MCC: variants seen among roughly 807,000 people sequenced by gnomAD.
MCC encodes the protein MCC regulator of Wnt signaling pathway.
A neutral mutation model predicts 116.2 loss-of-function variants in MCC; 90 were observed. The ratio of observed to expected loss-of-function variants is 0.77; its 90% CI spans 0.65 to 0.92. MCC has a LOEUF of 0.92. Among genes scored for constraint, MCC ranks in the 40% least tolerant of loss-of-function variants. The pLI, the probability that MCC is intolerant of heterozygous loss-of-function variation, is 0.00. For synonymous variants in MCC, 578 were observed against 510.5 expected, an observed-to-expected ratio of 1.13 and a Z score of -1.78; for missense variants, 1,516 against 1,312.2, an observed-to-expected ratio of 1.16 and a Z score of -2.40.
At chr5:113,441,187 T>C (rs1414534776) in intron 1 of MCC, among the ~76,000 whole-genome samples, 1 of 152,002 alleles carries the variant, frequency 6.6e-6, no homozygotes, top group Non-Finnish European at 1.5e-5. Context: ...ATACAAAAAT[T>C]AGCCAGGTTT....
chr5:113,394,158 T>C (rs1769468896), intron 1 of MCC, among the ~76,000 whole-genome samples: 1 of 152,152 alleles, frequency 6.6e-6, no homozygotes, highest in Admixed American at 6.5e-5. Context: ...AATTATACCA[T>C]CCAGTCACCC....
intron 1 of MCC, among the ~76,000 whole-genome samples, chr5:113,482,335 GA>G (rs1772401542): frequency 6.6e-6 from 1 of 152,206 alleles, no homozygotes; most frequent in African/African-American, 2.4e-5. Context: ...GGAATTGCTA[GA>G]CTGTTTTCCA....
chr5:113,067,323 T>G, intron 13 of MCC, among the ~76,000 whole-genome samples: 1 of 152,140 alleles, frequency 6.6e-6, no homozygotes, highest in East Asian at 1.9e-4. Context: ...GTAAGACACC[T>G]GGAGACCTGG....
chr5:113,176,488 G>T (rs1252113566), intron 3 of MCC, among the ~76,000 whole-genome samples: 2 of 152,236 alleles, frequency 1.3e-5, no homozygotes, highest in African/African-American at 4.8e-5. Context: ...AACACACAGA[G>T]CAAGACACTG....
chr5:113,215,052 C>CCCA (rs1763260007), intron 3 of MCC, among the ~76,000 whole-genome samples: 1 of 144,998 alleles, frequency 6.9e-6, no homozygotes, highest in Non-Finnish European at 1.5e-5. Context: ...GAACACAATC[C>CCCA]TCATCTCTCC....
At chr5:113,207,596 C>G (rs539323501) in intron 3 of MCC, among the ~76,000 whole-genome samples, 1 of 152,184 alleles carries the variant, frequency 6.6e-6, no homozygotes, top group Non-Finnish European at 1.5e-5. Flanking sequence ...AGTTATCCAA[C>G]GCCTACAGTG....
At position 113,042,352 on chromosome 5, in the gene MCC, G is replaced by A. The variant is rs184878945; in HGVS notation, c.2756+1178C>T. On this transcript the variant is annotated intron_variant, in intron 17 of 18. Coordinates refer to ENST00000408903, the MANE Select transcript of MCC (RefSeq NM_001085377.2). ...TAGCCAGGTGTGGGGGCATGCACCT[G>A]TGGTCCTAGCTACTTGGGAGGCTGG... Among the ~76,000 whole-genome samples the A allele has an allele frequency of 7.0e-3, 1,034 of 148,358 alleles. 15 individuals are homozygous for A. The highest frequency in any genetic ancestry group is 0.024 in the African/African-American group (958 of 40,232).
In MCC at chr5:113,027,055, A is replaced by G. The variant is rs1488231647; in HGVS notation, c.*247T>C. ...AGAAACGAGGCTCTGCTGAGCAGGC[A>G]CAGAACATGTGTTTACACGCTGTTG... On this transcript the variant is annotated 3_prime_UTR_variant, in exon 19 of 19. Coordinates refer to ENST00000408903, the MANE Select transcript of MCC (RefSeq NM_001085377.2). The G allele has an allele frequency of 2.1e-6, 1 of 474,996 alleles. No homozygotes were observed. The highest frequency in any genetic ancestry group is 3.4e-5 in the East Asian group (1 of 29,146). The allele number at this position is 474,996 out of a possible 1,614,324, so 29.4% of individuals were successfully genotyped here. A position where few individuals can be genotyped will look rare whatever the true frequency, so the allele number is the denominator to read the frequency against.
chr5:113,069,638 A>G (rs6594673), intron 12 of MCC, among the ~76,000 whole-genome samples: 54,448 of 152,086 alleles, frequency 0.36, 9,844 homozygotes, highest in African/African-American at 0.4. Context: ...GCACGATCTC[A>G]GCTCACTGCA....
At chr5:113,075,578 CTCAAGGTT>C (rs1439675704) in intron 11 of MCC, among the ~76,000 whole-genome samples, 1 of 152,212 alleles carries the variant, frequency 6.6e-6, no homozygotes. Flanking sequence ...CTGTGTCTAG[CTCAAGGTT>C]TGTAAATGCA....
chr5:113,272,000 G>C (rs1338066192), intron 3 of MCC, among the ~76,000 whole-genome samples: 10 of 152,272 alleles, frequency 6.6e-5, no homozygotes, highest in South Asian at 2.1e-4. Context: ...AAACAAGTAA[G>C]AATATTTGCA....
chr5:113,052,470 G>A (rs1235839586), intron 15 of MCC, among the ~76,000 whole-genome samples: 5 of 151,938 alleles, frequency 3.3e-5, no homozygotes, highest in African/African-American at 9.7e-5. Flanking sequence ...TCATGGGGGT[G>A]GGGGTGGGAG....
chr5:113,245,268 G>C (rs1202020990), intron 3 of MCC, among the ~76,000 whole-genome samples: 1 of 148,232 alleles, frequency 6.7e-6, no homozygotes, highest in East Asian at 2.0e-4. Context: ...TTCCAGCCTA[G>C]GCAACGAGAG....
chr5:113,327,561 A>AATATAT (rs869214073), intron 3 of MCC, among the ~76,000 whole-genome samples: 54 of 80,558 alleles, frequency 6.7e-4, no homozygotes, highest in Non-Finnish European at 7.2e-4. Context: ...AAAAAAAAAA[A>AATATAT]ATATATATAT....
At chr5:113,062,993 T>A (rs1297902908) in intron 14 of MCC, among the ~76,000 whole-genome samples, 3 of 152,236 alleles carry the variant, frequency 2.0e-5, no homozygotes, top group African/African-American at 7.2e-5. Flanking sequence ...TGTTTTGTTA[T>A]GTCATGAGAT....
chr5:113,352,933 T>C (rs1183168528), intron 2 of MCC, among the ~76,000 whole-genome samples: 1 of 152,134 alleles, frequency 6.6e-6, no homozygotes, highest in Non-Finnish European at 1.5e-5. Context: ...TTAATATGAT[T>C]TGGGTTTTGT....
chr5:113,055,856 T>C lies in MCC; in HGVS notation c.2214-1897A>G, dbSNP rs190306844. 8.5e-5 allele frequency among the ~76,000 whole-genome samples: 13 copies of C among 152,310 alleles called. No individual in the cohort carries two copies. In the East Asian group the frequency reaches 2.3e-3, roughly 27 times the overall value. On this transcript the variant is annotated intron_variant, in intron 14 of 18. Transcript: ENST00000408903. ...TTCCATACAGTGAGTGAACCTCGTC[T>C]AATCAGAGAGGCCTTAAGGGGAAAG...
At position 113,115,324 on chromosome 5, in the gene MCC, G is replaced by A. The variant is rs140793092; in HGVS notation, c.1027+7360C>T. Reference sequence around the variant, plus strand: ...GTGGGTGACCTGAGAAGCGAAAGACGCCACCCCACCACATTCTGACTATAG... The same window carrying A: ...GTGGGTGACCTGAGAAGCGAAAGACACCACCCCACCACATTCTGACTATAG... On this transcript the variant is annotated intron_variant, in intron 6 of 18. Transcript: ENST00000408903. Among the ~76,000 whole-genome samples, 8 of 152,240 alleles carry A rather than the reference G, an allele frequency of 5.3e-5. No homozygotes were observed. The East Asian group carries it at 7.7e-4, about 15-fold the overall frequency.
At chr5:113,127,486 CT>C (rs769911607) in intron 5 of MCC, among the ~76,000 whole-genome samples, 22 of 152,158 alleles carry the variant, frequency 1.4e-4, no homozygotes, top group Non-Finnish European at 2.9e-4. Context: ...TAAGTATTCC[CT>C]TTTCTCTGCA....
Sources: gnomAD v4.1 joint callset for allele counts (sites outside exome capture counted in the v4.1 genomes callset) on GRCh38, gnomAD v4.1.1 for gene constraint, MANE v1.5 for transcripts, NCBI Gene and HGNC (gene_info 2026-07-23, HGNC 2026-07-21) for gene names.